ATP12A: variants seen among roughly 807,000 people sequenced by gnomAD.
The protein encoded by ATP12A is potassium-transporting ATPase alpha chain 2.
In ATP12A, 81 loss-of-function variants were observed where a neutral mutation model predicts 111.2. The observed-to-expected ratio is 0.73, with a 90% CI of 0.61 to 0.88. ATP12A has a LOEUF of 0.88. Ranked by LOEUF, ATP12A falls within the 40% of genes least tolerant of loss-of-function variation. ATP12A has a pLI of 0.00. For synonymous variants in ATP12A, 498 were observed against 499.8 expected (o/e 1.00, Z 0.05); for missense variants, 1,196 against 1,313.1 (o/e 0.91, Z 1.38).
Position 24,690,406 on chromosome 13 carries a change from T to C in ATP12A, c.615T>C (p.Ile205=). 6.2e-7 allele frequency: 1 copy of C among 1,612,138 alleles called. No individual in the cohort carries two copies. Among genetic ancestry groups the C allele is most frequent in the Non-Finnish European group, 8.5e-7 (1 of 1,179,616 alleles). The change falls in exon 6 of 23, where the codon ATT becomes ATC. Residue 205 remains isoleucine, a synonymous_variant. Coordinates refer to ENST00000381946, the MANE Select transcript of ATP12A (RefSeq NM_001676.7). ...CAGAGCAGCTGGTGGTGGGGGACAT[T>C]GTGGAGGTCAAAGGAGGAGACCAGA... ...IPSEQLVVGD[I]VEVKGGDQIP... is the part of the protein sequence containing the mutation.
Position 24,711,813 on chromosome 13 carries a change from C to A in ATP12A, c.*291C>A. ...ATGTGTTTATGTGTATTTGAAACTCCTTGATGTTAATAGTCTTGTGTAACC... is the reference window on the plus strand; with the variant it reads ...ATGTGTTTATGTGTATTTGAAACTCATTGATGTTAATAGTCTTGTGTAACC... On this transcript the variant is annotated 3_prime_UTR_variant, in exon 23 of 23. Coordinates refer to ENST00000381946, the MANE Select transcript of ATP12A (RefSeq NM_001676.7). The A allele has an allele frequency of 2.1e-6, 1 of 475,782 alleles. No individual in the cohort carries two copies. Among genetic ancestry groups the A allele is most frequent in the East Asian group, 4.1e-5 (1 of 24,636 alleles). 29.5% of individuals were successfully genotyped at this position (475,782 alleles called of 1,614,324 possible).
intron 9 of ATP12A, 71 bp from the exon 10 acceptor site, chr13:24,692,716 G>T: frequency 6.3e-7 from 1 of 1,599,208 alleles, no homozygotes; most frequent in Non-Finnish European, 8.6e-7. Context: ...GCAGCCAGAG[G>T]ATTGCTGGAC....
rs779066363 is a variant in ATP12A, at chr13:24,709,459, G to A, written c.2589G>A (p.Pro863=). The A allele has an allele frequency of 1.4e-5, 22 of 1,613,926 alleles. No individual in the cohort carries two copies. Among genetic ancestry groups the A allele is most frequent in the Admixed American group, 1.3e-4 (8 of 59,994 alleles). The part of the protein sequence containing the change: ...HKNKDRLVNQ[P]LAVYSYLHIG... ...ATAAGGACAGGCTGGTGAACCAGCC[G>A]CTCGCTGTGTACTCATACCTGCACA... Residue 863 remains proline, a synonymous_variant, in exon 18 of 23, where the codon CCG becomes CCA. Coordinates refer to ENST00000381946, the MANE Select transcript of ATP12A (RefSeq NM_001676.7).
In ATP12A at chr13:24,706,426, A is replaced by G. The variant is rs529264503; in HGVS notation, c.2132A>G (p.Gln711Arg). ...QEIVFARTSP[Q>R]QKLIIVEGCQ... Reference sequence around the variant, plus strand: ...ATTGTCTTTGCCCGGACATCCCCCCAGCAGAAGCTGATCATTGTGGAGGGC... The same window carrying G: ...ATTGTCTTTGCCCGGACATCCCCCCGGCAGAAGCTGATCATTGTGGAGGGC... The change falls in exon 15 of 23, where the codon CAG becomes CGG. Residue 711 changes from glutamine (Q) to arginine (R), a missense_variant. Physicochemically the swap from Gln to Arg is conservative, Grantham distance 43. Around this residue, in one of 3 missense-constraint regions of ATP12A, gnomAD observed 1,126 missense variants for 1,228.5 expected, o/e 0.92. Coordinates refer to ENST00000381946, the MANE Select transcript of ATP12A (RefSeq NM_001676.7). The G allele has an allele frequency of 1.1e-5, 17 of 1,614,186 alleles. No individual in the cohort carries two copies. In the African/African-American group the frequency reaches 1.3e-4, roughly 13 times the overall value.
rs1566073897 is a variant in ATP12A at position 24,696,730 on chromosome 13, A to AG, written c.1513-1928_1513-1927insG. On this transcript the variant is annotated intron_variant, in intron 11 of 22. Transcript: ENST00000381946. ...CGAGACTCCGTCTCAAAAAAAAAAAAAAAAAAAAAAAAAAAAGAAAGGGGA... is the reference window on the plus strand; with the variant it reads ...CGAGACTCCGTCTCAAAAAAAAAAAAGAAAAAAAAAAAAAAAAGAAAGGGGA... Among the ~76,000 whole-genome samples the AG allele has an allele frequency of 3.7e-4, 18 of 48,510 alleles. 1 individual carries two copies. In the East Asian group the frequency reaches 9.7e-3, roughly 26 times the overall value. 31.8% of individuals were successfully genotyped at this position (48,510 alleles called of 152,430 possible). A position where few individuals can be genotyped will look rare whatever the true frequency, so the allele number is the denominator to read the frequency against.
At chr13:24,703,119 T>C (rs966633555) in intron 14 of ATP12A, among the ~76,000 whole-genome samples, 2 of 152,258 alleles carry the variant, frequency 1.3e-5, no homozygotes, top group African/African-American at 4.8e-5. Flanking sequence ...AGTCTTGCAG[T>C]GCCCTTTAGT....
chr13:24,688,377 C>T lies in ATP12A; in HGVS notation c.287C>T (p.Thr96Ile), dbSNP rs141092295. Residue 96 changes from threonine to isoleucine, a missense_variant, in exon 4 of 23, where the codon ACC becomes ATC. Around this residue, in one of 3 missense-constraint regions of ATP12A, gnomAD observed 1,126 missense variants for 1,228.5 expected, o/e 0.92. Transcript: ENST00000381946. Reference sequence around the variant, plus strand: ...GCCCGGGATGGGCCCAACTCCCTCACCCCTCCCAAGCAGACGCCTGAGATC... The same window carrying T: ...GCCCGGGATGGGCCCAACTCCCTCATCCCTCCCAAGCAGACGCCTGAGATC... The part of the protein sequence containing the change: ...LLARDGPNSL[T>I]PPKQTPEIVK... The T allele has an allele frequency of 1.4e-5, 22 of 1,614,138 alleles. No individual in the cohort carries two copies. In the South Asian group the frequency reaches 2.2e-4, roughly 16 times the overall value.
chr13:24,699,590 G>A (rs1229954902), intron 12 of ATP12A, among the ~76,000 whole-genome samples: 1 of 152,208 alleles, frequency 6.6e-6, no homozygotes, highest in Non-Finnish European at 1.5e-5. Context: ...GAAGGATAAT[G>A]TTTAAAAATG....
At chr13:24,706,134 C>T (rs920042107) in intron 14 of ATP12A, among the ~76,000 whole-genome samples, 179 bp from the exon 15 acceptor site, 7 of 152,164 alleles carry the variant, frequency 4.6e-5, no homozygotes, top group Non-Finnish European at 1.0e-4. Flanking sequence ...TCAGTTTGCC[C>T]TCTTGAAATG....
At chr13:24,708,942 A>G (rs9511417) in intron 17 of ATP12A, among the ~76,000 whole-genome samples, 1,238 of 107,842 alleles carry the variant, frequency 0.011, 47 homozygotes, top group African/African-American at 0.046. Context: ...AGAAAGAAAG[A>G]AAGAAAGAAA....
chr13:24,712,281 C>T lies in ATP12A; in HGVS notation c.*759C>T, dbSNP rs182776220. 1 of 152,336 alleles carries T rather than the reference C, an allele frequency of 6.6e-6. No individual in the cohort carries two copies. Among genetic ancestry groups the T allele is most frequent in the Non-Finnish European group, 1.5e-5 (1 of 68,172 alleles). The allele number at this position is 152,336 out of a possible 1,614,324, so 9.4% of individuals were successfully genotyped here. On this transcript the variant is annotated 3_prime_UTR_variant, in exon 23 of 23. Coordinates refer to ENST00000381946, the MANE Select transcript of ATP12A (RefSeq NM_001676.7). ...GGGGACTTTCTTTACCAGGATTCAA[C>T]CCTAGTAGAGAGCTGTTATGGTTTC...
intron 11 of ATP12A, among the ~76,000 whole-genome samples, chr13:24,696,413 A>G (rs1277055423): frequency 1.5e-5 from 2 of 133,708 alleles, no homozygotes; most frequent in African/African-American, 5.4e-5. Context: ...GGGACTAGAA[A>G]GGGGAGAGGG....
Position 24,712,415 on chromosome 13 carries a change from C to T in ATP12A, c.*893C>T, listed in dbSNP as rs1228984944. 1 of 152,180 alleles carries T rather than the reference C, an allele frequency of 6.6e-6. No homozygotes were observed. Among genetic ancestry groups the T allele is most frequent in the Non-Finnish European group, 1.5e-5 (1 of 68,044 alleles). 9.4% of individuals were successfully genotyped at this position (152,180 alleles called of 1,614,324 possible). A position where few individuals can be genotyped will look rare whatever the true frequency, so the allele number is the denominator to read the frequency against. On this transcript the variant is annotated 3_prime_UTR_variant, in exon 23 of 23. Transcript: ENST00000381946. ...TTAGGTGTATTCATGTGTGACACTTCCATGTTGACAGGCCCGGAAAGGCCT... is the reference window on the plus strand; with the variant it reads ...TTAGGTGTATTCATGTGTGACACTTTCATGTTGACAGGCCCGGAAAGGCCT...
intron 10 of ATP12A, among the ~76,000 whole-genome samples, chr13:24,694,075 C>T (rs573037884): frequency 1.3e-5 from 2 of 152,206 alleles, no homozygotes; most frequent in Non-Finnish European, 2.9e-5. Flanking sequence ...CCTCCACATC[C>T]GCTTGTACCT....
intron 21 of ATP12A, 56 bp downstream of exon 21, chr13:24,710,949 G>T: frequency 6.7e-7 from 1 of 1,500,526 alleles, no homozygotes. Flanking sequence ...TTGAGCTGTC[G>T]CAGCCTAAAT....
intron 11 of ATP12A, among the ~76,000 whole-genome samples, chr13:24,695,468 C>T (rs899645076): frequency 6.6e-6 from 1 of 152,164 alleles, no homozygotes; most frequent in African/African-American, 2.4e-5. Context: ...ACAGAGCCCA[C>T]ACTGGATCTG....
At chr13:24,680,904 C>G (rs1395604876) in intron 1 of ATP12A, 152 bp downstream of exon 1, 3 of 1,293,336 alleles carry the variant, frequency 2.3e-6, no homozygotes, top group East Asian at 3.2e-5. Context: ...GAGCGCCCCC[C>G]GGCCTGGGCA....
chr13:24,688,782 C>T (rs1242686557), intron 4 of ATP12A, among the ~76,000 whole-genome samples: 1 of 152,192 alleles, frequency 6.6e-6, no homozygotes, highest in Admixed American at 6.5e-5. Flanking sequence ...CTGTCTCCCC[C>T]AAGCTAACCT....
chr13:24,690,471 G>C lies in ATP12A; in HGVS notation c.680G>C (p.Arg227Pro), dbSNP rs12866274. The change falls in exon 6 of 23, where the codon CGG becomes CCG. Residue 227 changes from arginine (R) to proline (P), a missense_variant and splice_region_variant. Physicochemically the swap from Arg to Pro is moderately radical, Grantham distance 103. Around this residue, in one of 3 missense-constraint regions of ATP12A, gnomAD observed 1,126 missense variants for 1,228.5 expected, o/e 0.92. Transcript: ENST00000381946. ...DIRVLSSQGC[R>P]VDNSSLTGES... Reference sequence around the variant, plus strand: ...AGGGTGCTGTCTTCTCAGGGGTGTCGGGTAAGCGGCAAGGGGTATCCACCC... The same window carrying C: ...AGGGTGCTGTCTTCTCAGGGGTGTCCGGTAAGCGGCAAGGGGTATCCACCC... The C allele has an allele frequency of 6.2e-7, 1 of 1,613,700 alleles. No individual in the cohort carries two copies. Among genetic ancestry groups the C allele is most frequent in the African/African-American group, 1.3e-5 (1 of 74,918 alleles).
Sources: gnomAD v4.1 joint callset for allele counts (sites outside exome capture counted in the v4.1 genomes callset) on GRCh38, gnomAD v4.1.1 for gene constraint, gnomAD v4.1.1 regional missense constraint, MANE v1.5 for transcripts, NCBI Gene and HGNC (gene_info 2026-07-23, HGNC 2026-07-21) for gene names.